Variants in RBM12B observed in about 807,000 individuals in gnomAD.
The protein encoded by RBM12B is RNA-binding protein 12B.
A neutral mutation model predicts 34.3 loss-of-function variants in RBM12B; 10 were observed. The ratio of observed to expected loss-of-function variants is 0.29; its 90% CI spans 0.18 to 0.49. The LOEUF (loss-of-function observed/expected upper bound fraction) is 0.49. Ranked by LOEUF, RBM12B falls within the 20% of genes least tolerant of loss-of-function variation. The pLI, the probability that RBM12B is intolerant of heterozygous loss-of-function variation, is 0.99. For missense variants in RBM12B, 1,139 were observed against 1,262.7 expected (o/e 0.90, Z 1.48); for synonymous variants, 477 against 437.1 (o/e 1.09, Z -1.14).
At position 93,734,281 on chromosome 8, in the gene RBM12B, G is replaced by A. The variant is rs780531024; in HGVS notation, c.2130C>T (p.Ser710=). ...RRPPEEDFRH[S]PEEDFRQSPQ... ...GTGACTGCCTGAAGTCCTCCTCAGG[G>A]GAATGCCTGAAATCCTCCTCTGGGG... The change falls in exon 4 of 4, where the codon TCC becomes TCT. Residue 710 remains serine, a synonymous_variant. Transcript: ENST00000520560. 4.3e-6 allele frequency: 7 copies of A among 1,612,410 alleles called. No homozygotes were observed. The highest frequency in any genetic ancestry group is 5.9e-6 in the Non-Finnish European group (7 of 1,179,520).
intron 2 of RBM12B, among the ~76,000 whole-genome samples, chr8:93,739,508 C>T (rs1405748403): frequency 3.9e-5 from 6 of 152,188 alleles, no homozygotes. Flanking sequence ...TCTACAATAA[C>T]ACACCTTGGA....
intron 2 of RBM12B, among the ~76,000 whole-genome samples, chr8:93,738,785 A>G (rs1425078305): frequency 6.6e-6 from 1 of 152,206 alleles, no homozygotes; most frequent in Non-Finnish European, 1.5e-5. Flanking sequence ...TCTTTAATGT[A>G]CAAATAAATG....
chr8:93,736,551 C>G, intron 3 of RBM12B, 113 bp from the exon 4 acceptor site: 2 of 783,950 alleles, frequency 2.6e-6, no homozygotes, highest in Non-Finnish European at 3.7e-6. Flanking sequence ...TAAATGAAAA[C>G]AAGATACAAG....
chr8:93,737,559 G>C (rs1434236944), intron 2 of RBM12B, among the ~76,000 whole-genome samples: 1 of 151,966 alleles, frequency 6.6e-6, no homozygotes, highest in Admixed American at 6.6e-5. Flanking sequence ...TATCCAAATA[G>C]ACATATAAAA....
Position 93,736,142 on chromosome 8 carries a change from C to A in RBM12B, c.269G>T (p.Arg90Leu), listed in dbSNP as rs192829492. ...QKTIEMKRTD[R>L]VGRGRPGSGT... ...AGATCCTGGACGCCCTCTTCCTACACGATCAGTTCTTTTCATTTCTATAGT... is the reference window on the plus strand; with the variant it reads ...AGATCCTGGACGCCCTCTTCCTACAAGATCAGTTCTTTTCATTTCTATAGT... The change falls in exon 4 of 4, where the codon CGT (arginine) becomes CTT (leucine). Residue 90 changes from arginine to leucine, a missense_variant. By Grantham distance (102) the Arg-to-Leu change is moderately radical. Around this residue, in one of 3 missense-constraint regions of RBM12B, gnomAD observed 216 missense variants for 292.2 expected, o/e 0.74. Coordinates refer to ENST00000520560, the MANE Select transcript of RBM12B (RefSeq NM_001377960.1). 1 of 1,614,210 alleles carries A rather than the reference C, an allele frequency of 6.2e-7. No homozygotes were observed. Among genetic ancestry groups the A allele is most frequent in the South Asian group, 1.1e-5 (1 of 91,088 alleles).
chr8:93,735,849 G>T lies in RBM12B; in HGVS notation c.562C>A (p.His188Asn). 6.2e-7 allele frequency: 1 copy of T among 1,614,022 alleles called. No individual in the cohort carries two copies. Among genetic ancestry groups the T allele is most frequent in the Non-Finnish European group, 8.5e-7 (1 of 1,180,026 alleles). The change falls in exon 4 of 4, where the codon CAT becomes AAT. Residue 188 changes from histidine to asparagine, a missense_variant. Around this residue, in one of 3 missense-constraint regions of RBM12B, gnomAD observed 216 missense variants for 292.2 expected, o/e 0.74. Transcript: ENST00000520560. ...TCACCATTATTTCGGCCATCATGATGTTTTAAGAAAATTACTCCATCCACG... is the reference window on the plus strand; with the variant it reads ...TCACCATTATTTCGGCCATCATGATTTTTTAAGAAAATTACTCCATCCACG... ...LCVDGVIFLK[H>N]HDGRNNGDAI...
chr8:93,736,315 T>A lies in RBM12B; in HGVS notation c.96A>T (p.Gly32=), dbSNP rs758125166. ...CAATTTCCCCTCCAATTATATGCAC[T>A]CCTCCATCAGGAATAGTCAATCCCG... The part of the protein sequence containing the change: ...FFTGLTIPDG[G]VHIIGGEIGE... The change falls in exon 4 of 4, where the codon GGA becomes GGT. Residue 32 remains glycine (G), a synonymous_variant. Transcript: ENST00000520560. 44 of 1,613,900 alleles carry A rather than the reference T, an allele frequency of 2.7e-5. No homozygotes were observed. The highest frequency in any genetic ancestry group is 3.6e-5 in the Non-Finnish European group (43 of 1,180,020).
chr8:93,734,519 A>G lies in RBM12B; in HGVS notation c.1892T>C (p.Leu631Pro), dbSNP rs774198501. 6.2e-7 allele frequency: 1 copy of G among 1,610,752 alleles called. No individual in the cohort carries two copies. The highest frequency in any genetic ancestry group is 8.5e-7 in the Non-Finnish European group (1 of 1,179,084). The change falls in exon 4 of 4, where the codon CTG becomes CCG. Residue 631 changes from leucine to proline, a missense_variant. This residue lies in a region of RBM12B where 863 missense variants were observed against 869.5 expected (regional missense o/e 0.99). Coordinates refer to ENST00000520560, the MANE Select transcript of RBM12B (RefSeq NM_001377960.1). Reference sequence around the variant, plus strand: ...GGGAGACCGCCTGAAATCCTCCTCCAGTGGCCGCCTCCAGTCCTCCTCAAG... The same window carrying G: ...GGGAGACCGCCTGAAATCCTCCTCCGGTGGCCGCCTCCAGTCCTCCTCAAG... ...RPLEEDWRRP[L>P]EEDFRRSPTE... is the part of the protein sequence containing the mutation.
intron 2 of RBM12B, chr8:93,740,201 A>T: frequency 2.4e-6 from 1 of 419,696 alleles, no homozygotes; most frequent in East Asian, 7.2e-5. Context: ...CAAAGGAATG[A>T]CCAATGAGAG....
Position 93,733,932 on chromosome 8 carries a change from A to G in RBM12B, c.2479T>C (p.Phe827Leu), listed in dbSNP as rs780613301. Reference sequence around the variant, plus strand: ...AAATCTTCCTCCTGGGGGCTCCTGAAGTCCTCATCAGGAGGGTGCCTAAAG... The same window carrying G: ...AAATCTTCCTCCTGGGGGCTCCTGAGGTCCTCATCAGGAGGGTGCCTAAAG... The part of the protein sequence containing the change: ...EDFRHPPDED[F>L]RSPQEEDFRC... The change falls in exon 4 of 4, where the codon TTC becomes CTC. Residue 827 changes from phenylalanine (F) to leucine (L), a missense_variant. By Grantham distance (22) the Phe-to-Leu change is conservative (BLOSUM62 0). Coordinates refer to ENST00000520560, the MANE Select transcript of RBM12B (RefSeq NM_001377960.1). The G allele has an allele frequency of 6.2e-7, 1 of 1,613,210 alleles. No homozygotes were observed.
In RBM12B at chr8:93,728,210, C is replaced by CA; in HGVS notation, c.*5194dup. 6.4e-7 allele frequency: 1 copy of CA among 1,566,400 alleles called. No individual in the cohort carries two copies. On this transcript the variant is annotated 3_prime_UTR_variant, in exon 4 of 4. Transcript: ENST00000520560. The stretch of plus-strand genomic sequence containing the variant: ...AGTGTGTTAACTTTTAACAGGTATC[C>CA]ACTTGTCGACTAAGAAAGGATCAAC...
At position 93,734,519 on chromosome 8, in the gene RBM12B, A is replaced by T. The variant is rs774198501; in HGVS notation, c.1892T>A (p.Leu631Gln). Residue 631 changes from leucine to glutamine, a missense_variant, in exon 4 of 4, where the codon CTG becomes CAG. Physicochemically the swap from Leu to Gln is moderately radical, Grantham distance 113. This residue lies in a region of RBM12B where 863 missense variants were observed against 869.5 expected (regional missense o/e 0.99). Transcript: ENST00000520560. Reference sequence around the variant, plus strand: ...GGGAGACCGCCTGAAATCCTCCTCCAGTGGCCGCCTCCAGTCCTCCTCAAG... The same window carrying T: ...GGGAGACCGCCTGAAATCCTCCTCCTGTGGCCGCCTCCAGTCCTCCTCAAG... ...RPLEEDWRRP[L>Q]EEDFRRSPTE... The T allele has an allele frequency of 1.9e-6, 3 of 1,610,864 alleles. No homozygotes were observed. The highest frequency in any genetic ancestry group is 1.7e-6 in the Non-Finnish European group (2 of 1,179,076).
chr8:93,735,768 T>C lies in RBM12B; in HGVS notation c.643A>G (p.Arg215Gly). 1 of 1,614,114 alleles carries C rather than the reference T, an allele frequency of 6.2e-7. No individual in the cohort carries two copies. Among genetic ancestry groups the C allele is most frequent in the Non-Finnish European group, 8.5e-7 (1 of 1,180,020 alleles). Reference sequence around the variant, plus strand: ...ATAAATCTTGAACCCATAAAACTTCTATGACATTTAAGACCTCCTGAAGCA... The same window carrying C: ...ATAAATCTTGAACCCATAAAACTTCCATGACATTTAAGACCTCCTGAAGCA... Reference protein sequence around the residue: ...VDASGGLKCHRSFMGSRFIEV... With the variant: ...VDASGGLKCHGSFMGSRFIEV... Residue 215 changes from arginine to glycine, a missense_variant, in exon 4 of 4, where the codon AGA becomes GGA. Physicochemically the swap from Arg to Gly is moderately radical, Grantham distance 125. Transcript: ENST00000520560.
chr8:93,734,139 G>C lies in RBM12B; in HGVS notation c.2272C>G (p.Pro758Ala). The change falls in exon 4 of 4, where the codon CCA becomes GCA. Residue 758 changes from proline (P) to alanine (A), a missense_variant. Around this residue, in one of 3 missense-constraint regions of RBM12B, gnomAD observed 863 missense variants for 869.5 expected, o/e 0.99. Coordinates refer to ENST00000520560, the MANE Select transcript of RBM12B (RefSeq NM_001377960.1). The part of the protein sequence containing the change: ...RRPPPEHFRR[P>A]PPEHFRRPPP... ...GGCCGCCTGAAGTGCTCTGGGGGTG[G>C]CCGCCGGAAGTGCTCTGGGGGAGGC... 6.4e-7 allele frequency: 1 copy of C among 1,561,562 alleles called. No individual in the cohort carries two copies.
In RBM12B at chr8:93,735,677, T is replaced by C. The variant is rs767007674; in HGVS notation, c.734A>G (p.Asp245Gly). ...ATGTTCTTCAGATCTCCTAAGAACG[T>C]CACCCTCCTTAACTGCATTACCACC... ...EFGGNAVKEG[D>G]VLRRSEEHSP... The change falls in exon 4 of 4, where the codon GAC becomes GGC. Residue 245 changes from aspartate to glycine, a missense_variant. Physicochemically the swap from Asp to Gly is moderately conservative, Grantham distance 94. Transcript: ENST00000520560. 1.5e-5 allele frequency: 25 copies of C among 1,614,118 alleles called. No homozygotes were observed. Among genetic ancestry groups the C allele is most frequent in the Non-Finnish European group, 2.1e-5 (25 of 1,179,996 alleles).
In RBM12B at chr8:93,735,140, A is replaced by G; in HGVS notation, c.1271T>C (p.Leu424Pro). 1 of 1,614,178 alleles carries G rather than the reference A, an allele frequency of 6.2e-7. No individual in the cohort carries two copies. The highest frequency in any genetic ancestry group is 8.5e-7 in the Non-Finnish European group (1 of 1,180,034). The change falls in exon 4 of 4, where the codon CTT (leucine) becomes CCT (proline). Residue 424 changes from leucine (L) to proline (P), a missense_variant. Leu to Pro is a moderately conservative substitution (Grantham distance 98, BLOSUM62 -3). Around this residue, in one of 3 missense-constraint regions of RBM12B, gnomAD observed 863 missense variants for 869.5 expected, o/e 0.99. Coordinates refer to ENST00000520560, the MANE Select transcript of RBM12B (RefSeq NM_001377960.1). Reference protein sequence around the residue: ...VEVQKFFADFLLAEDDIYLLY... With the variant: ...VEVQKFFADFPLAEDDIYLLY... ...CAAGTAAATGTCATCCTCAGCAAGAAGAAAGTCTGCAAAGAACTTCTGCAC... is the reference window on the plus strand; with the variant it reads ...CAAGTAAATGTCATCCTCAGCAAGAGGAAAGTCTGCAAAGAACTTCTGCAC...
At position 93,733,441 on chromosome 8, in the gene RBM12B, T is replaced by C. The variant is rs777263365; in HGVS notation, c.2970A>G (p.Pro990=). ...TTAACTTAACTTTTCGGGGCCCAAC[T>C]GGCCTATCATTTAGATCTTTAATAG... The part of the protein sequence containing the change: ...MAAIKDLNDR[P]VGPRKVKLTL... Residue 990 remains proline (P), a synonymous_variant, in exon 4 of 4, where the codon CCA becomes CCG. Coordinates refer to ENST00000520560, the MANE Select transcript of RBM12B (RefSeq NM_001377960.1). 1 of 1,558,888 alleles carries C rather than the reference T, an allele frequency of 6.4e-7. No individual in the cohort carries two copies.
Position 93,733,885 on chromosome 8 carries a change from G to C in RBM12B, c.2526C>G (p.Asp842Glu), listed in dbSNP as rs1811879494. ...EEDFRCPSDEDFRQLPEEDLR... is the reference protein window; with the variant it reads ...EEDFRCPSDEEFRQLPEEDLR... ...GGTCTTCCTCTGGGAGCTGCCTGAA[G>C]TCCTCATCAGAAGGGCATCTAAAAT... The change falls in exon 4 of 4, where the codon GAC becomes GAG. Residue 842 changes from aspartate to glutamate, a missense_variant. Physicochemically the swap from Asp to Glu is conservative, Grantham distance 45. This residue lies in a region of RBM12B where 863 missense variants were observed against 869.5 expected (regional missense o/e 0.99). Transcript: ENST00000520560. The C allele has an allele frequency of 6.2e-7, 1 of 1,613,778 alleles. No homozygotes were observed. The highest frequency in any genetic ancestry group is 1.3e-5 in the African/African-American group (1 of 74,838).
intron 2 of RBM12B, among the ~76,000 whole-genome samples, chr8:93,737,807 C>CAAAAAA (rs78204688): frequency 9.9e-6 from 1 of 100,606 alleles, no homozygotes; most frequent in Non-Finnish European, 2.3e-5. Flanking sequence ...ACCCAAAGTT[C>CAAAAAA]AAAAAAAAAA....
Sources: gnomAD v4.1 joint callset for allele counts (sites outside exome capture counted in the v4.1 genomes callset) on GRCh38, gnomAD v4.1.1 for gene constraint, gnomAD v4.1.1 regional missense constraint, MANE v1.5 for transcripts, NCBI Gene and HGNC (gene_info 2026-07-23, HGNC 2026-07-21) for gene names.